SLC30A9: variants seen among roughly 807,000 people sequenced by gnomAD.
SLC30A9 encodes the protein proton-coupled zinc antiporter SLC30A9, mitochondrial.
Under a neutral mutation model 87.5 loss-of-function variants are expected in SLC30A9, and 58 were observed. The ratio of observed to expected loss-of-function variants is 0.66; its 90% CI spans 0.54 to 0.82. The LOEUF is 0.82. SLC30A9 is among the 40% of genes least tolerant of loss of function. The pLI is 0.00. For missense variants in SLC30A9, 557 were observed against 679.1 expected, an observed-to-expected ratio of 0.82 and a Z score of 2.00; for synonymous variants, 234 against 233.0, an observed-to-expected ratio of 1.00 and a Z score of -0.04.
intron 15 of SLC30A9, among the ~76,000 whole-genome samples, chr4:42,073,888 T>C (rs1253318044): frequency 6.6e-6 from 1 of 152,206 alleles, no homozygotes; most frequent in Non-Finnish European, 1.5e-5. Context: ...TGCGTATAGG[T>C]GGCAGGGATT....
intron 14 of SLC30A9, among the ~76,000 whole-genome samples, chr4:42,068,960 C>T (rs904937831): frequency 2.6e-5 from 4 of 152,122 alleles, no homozygotes; most frequent in Admixed American, 6.5e-5. Context: ...TTTTAGGTGA[C>T]GAGCTTCCAC....
At chr4:42,056,312 T>C (rs9990708) in intron 9 of SLC30A9, among the ~76,000 whole-genome samples, 14,394 of 152,156 alleles carry the variant, frequency 0.095, 726 homozygotes, top group Middle Eastern at 0.15. Context: ...ACACTGCTGA[T>C]AAAAACATAC....
Position 42,033,823 on chromosome 4 carries a change from C to T in SLC30A9, c.611-1452C>T, listed in dbSNP as rs556866651. On this transcript the variant is annotated intron_variant, in intron 6 of 17. Coordinates refer to ENST00000264451, the MANE Select transcript of SLC30A9 (RefSeq NM_006345.4). ...ATGATCTGACCTTGTGATCCACCCG[C>T]CTTGGCCTCCCAAAGTGCTGGGATT... Among the ~76,000 whole-genome samples, 31 of 152,314 alleles carry T rather than the reference C, an allele frequency of 2.0e-4. No individual in the cohort carries two copies. The East Asian group carries it at 3.7e-3, about 18-fold the overall frequency.
chr4:42,038,891 A>G lies in SLC30A9; in HGVS notation c.670-95A>G, dbSNP rs1350786186. 4.8e-5 allele frequency: 35 copies of G among 723,324 alleles called. 1 individual carries two copies. Among genetic ancestry groups the G allele is most frequent in the East Asian group, 3.5e-4 (14 of 39,976 alleles). 44.8% of individuals were successfully genotyped at this position (723,324 alleles called of 1,614,324 possible). A position where few individuals can be genotyped will look rare whatever the true frequency, so the allele number is the denominator to read the frequency against. On this transcript the variant is annotated intron_variant, in intron 7 of 17. Transcript: ENST00000264451. ...AAGTAAATCTAATTCAGAAGTTTTG[A>G]TAGAGGAAAATGTTCTGGTCTGTCA...
chr4:42,057,123 G>A (rs1392251038), intron 9 of SLC30A9, among the ~76,000 whole-genome samples: 2 of 152,178 alleles, frequency 1.3e-5, no homozygotes, highest in Admixed American at 1.3e-4. Context: ...GAGTGTCTGT[G>A]GCTTTTCCAG....
intron 8 of SLC30A9, among the ~76,000 whole-genome samples, chr4:42,042,883 G>A (rs543998491): frequency 6.6e-6 from 1 of 152,336 alleles, no homozygotes; most frequent in South Asian, 2.1e-4. Flanking sequence ...GGAAGGAACA[G>A]GCAGCAATGT....
chr4:41,991,079 C>T (rs1714417813), intron 1 of SLC30A9, among the ~76,000 whole-genome samples: 1 of 152,400 alleles, frequency 6.6e-6, no homozygotes, highest in Admixed American at 6.5e-5. Context: ...CGCGGTTACT[C>T]ACCTCCGCGG....
At chr4:42,018,205 G>C in intron 3 of SLC30A9, 35 bp downstream of exon 3, 1 of 1,232,962 alleles carries the variant, frequency 8.1e-7, no homozygotes, top group Non-Finnish European at 1.2e-6. Flanking sequence ...GTATTATAAA[G>C]ATGTTTTGAA....
At chr4:42,018,796 A>G (rs760739299) in intron 3 of SLC30A9, among the ~76,000 whole-genome samples, 3 of 152,140 alleles carry the variant, frequency 2.0e-5, no homozygotes, top group African/African-American at 4.8e-5. Context: ...CTTCTTTTCT[A>G]GGGTAACTTT....
chr4:42,075,728 A>G lies in SLC30A9; in HGVS notation c.1490A>G (p.Asp497Gly). 6.2e-7 allele frequency: 1 copy of G among 1,613,274 alleles called. No individual in the cohort carries two copies. The highest frequency in any genetic ancestry group is 1.1e-5 in the South Asian group (1 of 91,052). The change falls in exon 16 of 18, where the codon GAT (aspartate) becomes GGT (glycine). Residue 497 changes from aspartate (D) to glycine (G), a missense_variant. Physicochemically the swap from Asp to Gly is moderately conservative, Grantham distance 94. Around this residue, in one of 2 missense-constraint regions of SLC30A9, gnomAD observed 90 missense variants for 149.4 expected, o/e 0.60. Transcript: ENST00000264451. The stretch of plus-strand genomic sequence containing the variant: ...AGATTTAAGGCAGAAGTAGATTTTG[A>G]TGGGCGAGTTGTTACAAGATCATAT... Reference protein sequence around the residue: ...KVRFKAEVDFDGRVVTRSYLE... With the variant: ...KVRFKAEVDFGGRVVTRSYLE...
intron 8 of SLC30A9, among the ~76,000 whole-genome samples, chr4:42,040,234 A>G (rs1013251407): frequency 6.6e-6 from 1 of 152,186 alleles, no homozygotes; most frequent in African/African-American, 2.4e-5. Flanking sequence ...ACCCAGGTGG[A>G]GATAAGTCAA....
chr4:41,994,993 C>T (rs1277491555), intron 1 of SLC30A9, among the ~76,000 whole-genome samples: 2 of 152,078 alleles, frequency 1.3e-5, no homozygotes, highest in Admixed American at 6.6e-5. Context: ...TGTGGTGGCT[C>T]ACACCTGTAA....
intron 9 of SLC30A9, among the ~76,000 whole-genome samples, chr4:42,055,001 T>C (rs532945850): frequency 6.6e-6 from 1 of 152,164 alleles, no homozygotes; most frequent in Non-Finnish European, 1.5e-5. Context: ...TTGTTAAAGC[T>C]TAATGATGGA....
At chr4:42,068,391 G>A (rs1425120132) in intron 14 of SLC30A9, among the ~76,000 whole-genome samples, 1 of 152,032 alleles carries the variant, frequency 6.6e-6, no homozygotes, top group Non-Finnish European at 1.5e-5. Flanking sequence ...TTACAGGCAT[G>A]CGCCACCACG....
At chr4:42,085,809 C>T (rs751075717) in intron 17 of SLC30A9, among the ~76,000 whole-genome samples, 5 of 151,910 alleles carry the variant, frequency 3.3e-5, no homozygotes, top group African/African-American at 7.2e-5. Context: ...TCCAGTGCTT[C>T]GCAATGCTTG....
chr4:42,068,775 T>C (rs1489803315), intron 14 of SLC30A9, among the ~76,000 whole-genome samples: 1 of 77,266 alleles, frequency 1.3e-5, no homozygotes, highest in Admixed American at 1.7e-4. Context: ...TTTTGGTAGC[T>C]AATTAAGTGT....
chr4:42,033,866 T>G (rs188893352), intron 6 of SLC30A9, among the ~76,000 whole-genome samples: 1 of 152,176 alleles, frequency 6.6e-6, no homozygotes, highest in East Asian at 1.9e-4. Context: ...TGAGCCACCG[T>G]GCCCGGCTGC....
intron 14 of SLC30A9, among the ~76,000 whole-genome samples, chr4:42,068,245 C>CT (rs59683160): frequency 0.64 from 91,721 of 142,262 alleles, 33,586 homozygotes; most frequent in East Asian, 0.96. Flanking sequence ...GAACTTAACT[C>CT]TTTTTTTTTT....
intron 8 of SLC30A9, among the ~76,000 whole-genome samples, chr4:42,048,821 A>G (rs1717271625): frequency 6.6e-6 from 1 of 152,264 alleles, no homozygotes; most frequent in Non-Finnish European, 1.5e-5. Flanking sequence ...ACCAGTTTTC[A>G]AAATATACTT....
Sources: gnomAD v4.1 joint callset for allele counts (sites outside exome capture counted in the v4.1 genomes callset) on GRCh38, gnomAD v4.1.1 for gene constraint, gnomAD v4.1.1 regional missense constraint, MANE v1.5 for transcripts, NCBI Gene and HGNC (gene_info 2026-07-23, HGNC 2026-07-21) for gene names.